The following KIF23 variants were observed in gnomAD, a reference collection of about 807,000 sequenced individuals.
KIF23 encodes the protein kinesin family member 23, also known as kinesin-like protein KIF23.
A neutral mutation model predicts 137.5 loss-of-function variants in KIF23; 30 were observed. The ratio of observed to expected loss-of-function variants is 0.22; its 90% CI spans 0.16 to 0.30. The LOEUF (loss-of-function observed/expected upper bound fraction) is 0.30. Among genes scored for constraint, KIF23 ranks in the 10% least tolerant of loss-of-function variants. KIF23 has a pLI of 1.00. For missense variants in KIF23, 920 were observed against 1,194.3 expected, an observed-to-expected ratio of 0.77 and a Z score of 3.38; for synonymous variants, 367 against 391.1, an observed-to-expected ratio of 0.94 and a Z score of 0.73.
intron 6 of KIF23, 118 bp from the exon 7 acceptor site, chr15:69,423,041 C>A: frequency 1.5e-6 from 1 of 666,788 alleles, no homozygotes; most frequent in Non-Finnish European, 2.6e-6. Flanking sequence ...TCAGGTGATC[C>A]GCCTGCCTCG....
At chr15:69,433,305 G>A (rs1395865005) in intron 11 of KIF23, among the ~76,000 whole-genome samples, 1 of 152,130 alleles carries the variant, frequency 6.6e-6, no homozygotes, top group Admixed American at 6.6e-5. Context: ...CTCAATCAAG[G>A]TTTCAAAATG....
At chr15:69,441,445 T>C (rs1310754630) in intron 19 of KIF23, among the ~76,000 whole-genome samples, 1 of 152,234 alleles carries the variant, frequency 6.6e-6, no homozygotes, top group Non-Finnish European at 1.5e-5. Flanking sequence ...AGATTTTTTA[T>C]ACCTCCTTTC....
rs548476076 is a variant in KIF23 at position 69,433,689 on chromosome 15, G to T, written c.1115-1794G>T. Among the ~76,000 whole-genome samples, 17 of 152,124 alleles carry T rather than the reference G, an allele frequency of 1.1e-4. No individual in the cohort carries two copies. In the South Asian group the frequency reaches 3.5e-3, roughly 32 times the overall value. On this transcript the variant is annotated intron_variant, in intron 11 of 23. Transcript: ENST00000679126. Reference sequence around the variant, plus strand: ...GGTCCCTGATGCCAGAAAGTTTGGGGATCTGCTGCCTTAGAGAATATATTT... The same window carrying T: ...GGTCCCTGATGCCAGAAAGTTTGGGTATCTGCTGCCTTAGAGAATATATTT...
chr15:69,446,937 C>G lies in KIF23; in HGVS notation c.2905C>G (p.Pro969Ala), dbSNP rs2057753039. The change falls in exon 23 of 24, where the codon CCC becomes GCC. Residue 969 changes from proline (P) to alanine (A), a missense_variant. Physicochemically the swap from Pro to Ala is conservative, Grantham distance 27. Coordinates refer to ENST00000679126, the MANE Select transcript of KIF23 (RefSeq NM_001367805.3). ...LGPGYQHHAQ[P>A]KRKKP is the part of the protein sequence containing the mutation. Reference sequence around the variant, plus strand: ...ACCTGGATATCAGCATCACGCACAACCCAAGTGAGTACTGACTGTAATTGG... The same window carrying G: ...ACCTGGATATCAGCATCACGCACAAGCCAAGTGAGTACTGACTGTAATTGG... The G allele has an allele frequency of 6.2e-7, 1 of 1,613,898 alleles. No homozygotes were observed.
chr15:69,425,485 G>C (rs1254856241), intron 8 of KIF23, among the ~76,000 whole-genome samples, 162 bp downstream of exon 8: 2 of 152,172 alleles, frequency 1.3e-5, no homozygotes, highest in African/African-American at 2.4e-5. Context: ...TTGACTATCA[G>C]TGATGGTGGC....
At chr15:69,439,820 C>G (rs2057570690) in intron 16 of KIF23, 84 bp from the exon 17 acceptor site, 6 of 1,025,698 alleles carry the variant, frequency 5.8e-6, no homozygotes, top group Non-Finnish European at 5.5e-6. Context: ...AATATGCTTG[C>G]ATAAGCAAAT....
intron 6 of KIF23, 129 bp downstream of exon 6, chr15:69,422,564 TG>T: frequency 1.6e-6 from 1 of 627,668 alleles, no homozygotes; most frequent in Non-Finnish European, 2.8e-6. Flanking sequence ...AGTTAAGGAA[TG>T]TTCTTAAGTT....
chr15:69,443,798 GA>G (rs2057684001), intron 19 of KIF23: 1 of 151,796 alleles, frequency 6.6e-6, no homozygotes, highest in Non-Finnish European at 1.5e-5. Context: ...GTTTGTTTTT[GA>G]GGCAGGGTCT....
intron 11 of KIF23, chr15:69,434,625 T>C: frequency 7.1e-7 from 1 of 1,414,056 alleles, no homozygotes; most frequent in Non-Finnish European, 9.9e-7. Context: ...TAGTTGATGA[T>C]GTAGGGGATG....
chr15:69,430,261 TGTAC>T (rs2057323595), intron 11 of KIF23, among the ~76,000 whole-genome samples: 1 of 152,332 alleles, frequency 6.6e-6, no homozygotes, highest in African/African-American at 2.4e-5. Flanking sequence ...ATATCATAGT[TGTAC>T]GTACTTTTTG....
rs1388748653 is a variant in KIF23, at chr15:69,440,317, G to A, written c.1939G>A (p.Val647Met). ...MKWEKECERR[V>M]AAKQLEMQNK... ...CACTGATAATCTGTAGGAGCGTAGA[G>A]TGGCAGCCAAACAGCTGGAGATGCA... Residue 647 changes from valine to methionine, a missense_variant, in exon 18 of 24, where the codon GTG becomes ATG. Physicochemically the swap from Val to Met is conservative, Grantham distance 21. Around this residue, in one of 4 missense-constraint regions of KIF23, gnomAD observed 714 missense variants for 866.2 expected, o/e 0.82. Transcript: ENST00000679126. 1.9e-6 allele frequency: 3 copies of A among 1,613,038 alleles called. No individual in the cohort carries two copies. The highest frequency in any genetic ancestry group is 2.5e-6 in the Non-Finnish European group (3 of 1,179,710).
intron 1 of KIF23, among the ~76,000 whole-genome samples, chr15:69,415,652 G>C (rs2056883210): frequency 6.6e-6 from 1 of 152,198 alleles, no homozygotes; most frequent in Non-Finnish European, 1.5e-5. Context: ...TTAATCGCTT[G>C]TCAGTCTGTA....
chr15:69,428,086 G>A (rs1247665758), intron 10 of KIF23, among the ~76,000 whole-genome samples: 4 of 151,938 alleles, frequency 2.6e-5, no homozygotes, highest in Admixed American at 2.0e-4. Flanking sequence ...GCGAAACCCC[G>A]TCTCTACTAA....
At position 69,426,074 on chromosome 15, in the gene KIF23, C is replaced by G; in HGVS notation, c.781C>G (p.Pro261Ala). 5.7e-6 allele frequency: 9 copies of G among 1,576,410 alleles called. No homozygotes were observed. Among genetic ancestry groups the G allele is most frequent in the South Asian group, 2.4e-5 (2 of 83,180 alleles). The change falls in exon 9 of 24, where the codon CCA becomes GCA. Residue 261 changes from proline to alanine, a missense_variant. Pro to Ala is a conservative substitution (Grantham distance 27). Coordinates refer to ENST00000679126, the MANE Select transcript of KIF23 (RefSeq NM_001367805.3). ...TCTTTTTTTTCTTTCCCATAGACCT[C>G]CACAATCTAAATTGCTTCGTGAAGA... Reference protein sequence around the residue: ...TPMRNTDFVPPQSKLLREDKN... With the variant: ...TPMRNTDFVPAQSKLLREDKN...
chr15:69,416,083 T>G lies in KIF23; in HGVS notation c.81+20T>G. 6.6e-7 allele frequency: 1 copy of G among 1,516,256 alleles called. No individual in the cohort carries two copies. Among genetic ancestry groups the G allele is most frequent in the Non-Finnish European group, 8.9e-7 (1 of 1,128,424 alleles). The allele number at this position is 1,516,256 out of a possible 1,614,324, so 93.9% of individuals were successfully genotyped here. On this transcript the variant is annotated intron_variant, in intron 2 of 23. Coordinates refer to ENST00000679126, the MANE Select transcript of KIF23 (RefSeq NM_001367805.3). ...GTTGGGGTAAGGTATCCCTGTAAAT[T>G]TATGTGTGGTGTTTAAGAAACTTAT...
chr15:69,417,563 T>C (rs201907010), intron 3 of KIF23, 52 bp downstream of exon 3: 83 of 1,569,836 alleles, frequency 5.3e-5, no homozygotes, highest in Non-Finnish European at 6.6e-5. Context: ...GTTTCCTGAA[T>C]GACTTCTAGA....
chr15:69,419,589 A>G (rs974796612), intron 3 of KIF23, among the ~76,000 whole-genome samples: 1 of 152,212 alleles, frequency 6.6e-6, no homozygotes, highest in Non-Finnish European at 1.5e-5. Context: ...AATCAGAAAC[A>G]GCACCCCACA....
intron 3 of KIF23, among the ~76,000 whole-genome samples, chr15:69,420,263 C>G (rs1317733490): frequency 7.0e-6 from 1 of 142,446 alleles, no homozygotes; most frequent in African/African-American, 2.6e-5. Context: ...GACTCTGTTT[C>G]AAAAAAAAAA....
At chr15:69,418,036 T>C (rs752917049) in intron 3 of KIF23, among the ~76,000 whole-genome samples, 3 of 152,140 alleles carry the variant, frequency 2.0e-5, no homozygotes, top group Non-Finnish European at 2.9e-5. Flanking sequence ...ACTTAAGATA[T>C]ATGGTAAACA....
Sources: gnomAD v4.1 joint callset for allele counts (sites outside exome capture counted in the v4.1 genomes callset) on GRCh38, gnomAD v4.1.1 for gene constraint, gnomAD v4.1.1 regional missense constraint, MANE v1.5 for transcripts, NCBI Gene and HGNC (gene_info 2026-07-23, HGNC 2026-07-21) for gene names.